Variants in NRXN3 observed in about 807,000 individuals in gnomAD.
NRXN3 encodes the protein neurexin III.
In NRXN3, 32 loss-of-function variants were observed where a neutral mutation model predicts 137.6. That is an observed-to-expected ratio of 0.23 (90% confidence interval 0.18 to 0.31). NRXN3 has a LOEUF of 0.31. Ranked by LOEUF, NRXN3 falls within the 10% of genes least tolerant of loss-of-function variation. The pLI is 1.00. For synonymous variants in NRXN3, 798 were observed against 784.5 expected, an observed-to-expected ratio of 1.02 and a Z score of -0.29; for missense variants, 1,574 against 2,062.5, an observed-to-expected ratio of 0.76 and a Z score of 4.59.
chr14:78,278,454 T>G (rs2073929740), intron 2 of NRXN3, among the ~76,000 whole-genome samples, 191 bp from the exon 3 acceptor site: 1 of 152,200 alleles, frequency 6.6e-6, no homozygotes, highest in Admixed American at 6.5e-5. Flanking sequence ...CCCCTCGGCT[T>G]GCATGGGTGG....
intron 16 of NRXN3, among the ~76,000 whole-genome samples, chr14:79,607,631 G>C (rs2098037922): frequency 1.3e-5 from 2 of 151,466 alleles, no homozygotes; most frequent in Admixed American, 6.6e-5. Flanking sequence ...GGACCAAAGA[G>C]AAAATAGCCG....
rs145114436 is a variant in NRXN3, at chr14:79,261,831, G to A, written c.3263-205390G>A. Among the ~76,000 whole-genome samples the A allele has an allele frequency of 2.6e-4, 40 of 152,210 alleles. 1 individual carries two copies. Among genetic ancestry groups the A allele is most frequent in the African/African-American group, 8.2e-4 (34 of 41,542 alleles). On this transcript the variant is annotated intron_variant, in intron 15 of 20. Coordinates refer to ENST00000335750, the MANE Select transcript of NRXN3 (RefSeq NM_001330195.2). ...ATAGAAGAAGTGAGGATGGGAGAGGGTACCGAGGAGGGGCTCTGGGACTTT... is the reference window on the plus strand; with the variant it reads ...ATAGAAGAAGTGAGGATGGGAGAGGATACCGAGGAGGGGCTCTGGGACTTT...
At chr14:78,577,729 G>A (rs2096951480) in intron 4 of NRXN3, among the ~76,000 whole-genome samples, 1 of 152,106 alleles carries the variant, frequency 6.6e-6, no homozygotes, top group Admixed American at 6.6e-5. Flanking sequence ...CCTCCCATAG[G>A]TGAATTTTAA....
At chr14:79,025,661 A>T (rs1429703949) in intron 15 of NRXN3, among the ~76,000 whole-genome samples, 1 of 152,170 alleles carries the variant, frequency 6.6e-6, no homozygotes, top group African/African-American at 2.4e-5. Flanking sequence ...CTTTTTATAT[A>T]GTCTTTCAAT....
intron 4 of NRXN3, among the ~76,000 whole-genome samples, chr14:78,574,452 G>A (rs1047572232): frequency 1.3e-5 from 2 of 152,230 alleles, no homozygotes; most frequent in Admixed American, 6.5e-5. Context: ...AAAGCCACAG[G>A]GGTGGAGCTG....
intron 4 of NRXN3, among the ~76,000 whole-genome samples, chr14:78,460,564 G>A (rs535654190): frequency 6.6e-6 from 1 of 152,172 alleles, no homozygotes; most frequent in African/African-American, 2.4e-5. Flanking sequence ...GGAGAGTGAG[G>A]AGTTGGCAAA....
At chr14:78,636,333 TGGTAA>T (rs1190942003) in intron 4 of NRXN3, among the ~76,000 whole-genome samples, 1 of 152,096 alleles carries the variant, frequency 6.6e-6, no homozygotes, top group East Asian at 1.9e-4. Context: ...GAGTTTACTG[TGGTAA>T]GGATTACTGC....
intron 6 of NRXN3, among the ~76,000 whole-genome samples, chr14:78,693,075 T>A (rs1305702104): frequency 1.3e-5 from 2 of 151,838 alleles, no homozygotes; most frequent in African/African-American, 4.8e-5. Context: ...AGAGCGAGAC[T>A]CCATCTCAAA....
chr14:78,741,822 G>C (rs564651505), intron 8 of NRXN3, among the ~76,000 whole-genome samples: 2 of 152,124 alleles, frequency 1.3e-5, no homozygotes, highest in Non-Finnish European at 2.9e-5. Context: ...CTTTTTTTCT[G>C]AATGATAGGT....
rs1159197862 is a variant in NRXN3, at chr14:79,862,153, A to G, written c.*189A>G. The G allele has an allele frequency of 5.3e-6, 3 of 564,164 alleles. No homozygotes were observed. The highest frequency in any genetic ancestry group is 9.4e-6 in the Non-Finnish European group (3 of 318,988). The allele number at this position is 564,164 out of a possible 1,614,324, so 34.9% of individuals were successfully genotyped here. A position where few individuals can be genotyped will look rare whatever the true frequency, so the allele number is the denominator to read the frequency against. On this transcript the variant is annotated 3_prime_UTR_variant, in exon 21 of 21. Transcript: ENST00000335750. ...ACACACAGCGATGCATCTCTCTCTA[A>G]AGCTCAGCCACGGCTGCGGCAAGGT...
At position 78,745,753 on chromosome 14, in the gene NRXN3, T is replaced by C. The variant is rs114719239; in HGVS notation, c.2044+30614T>C. ...GCACTTGGTCAGTCCTTTTTGCATCTCAATAGTTGATCCTCTTTTGATTAA... is the reference window on the plus strand; with the variant it reads ...GCACTTGGTCAGTCCTTTTTGCATCCCAATAGTTGATCCTCTTTTGATTAA... On this transcript the variant is annotated intron_variant, in intron 8 of 20. Transcript: ENST00000335750. 5.1e-3 allele frequency among the ~76,000 whole-genome samples: 771 copies of C among 152,326 alleles called. 9 individuals are homozygous for C. The highest frequency in any genetic ancestry group is 0.018 in the African/African-American group (741 of 41,582).
At chr14:78,306,559 G>A (rs538663313) in intron 4 of NRXN3, among the ~76,000 whole-genome samples, 12 of 152,280 alleles carry the variant, frequency 7.9e-5, no homozygotes, top group Middle Eastern at 3.4e-3. Context: ...TTCCCCTTGT[G>A]CTTAGGCTTG....
intron 15 of NRXN3, among the ~76,000 whole-genome samples, chr14:79,257,268 C>T (rs987074018): frequency 1.4e-5 from 2 of 146,430 alleles, no homozygotes; most frequent in African/African-American, 5.1e-5. Context: ...TAACAAGTAT[C>T]AGATAGTTCC....
At chr14:78,273,839 A>G (rs2153491877) in intron 2 of NRXN3, among the ~76,000 whole-genome samples, 1 of 152,260 alleles carries the variant, frequency 6.6e-6, no homozygotes, top group Admixed American at 6.5e-5. Flanking sequence ...ATTTTCTCAT[A>G]CTGATGGGCC....
At chr14:79,261,601 CTGTGTGTG>C (rs5809932) in intron 15 of NRXN3, among the ~76,000 whole-genome samples, 18 of 59,214 alleles carry the variant, frequency 3.0e-4, no homozygotes, top group Admixed American at 6.9e-4. Flanking sequence ...AAGAAAGGTG[CTGTGTGTG>C]TGTGTGTGTG....
chr14:79,775,708 A>G (rs1023906955), intron 19 of NRXN3, among the ~76,000 whole-genome samples: 3 of 152,098 alleles, frequency 2.0e-5, no homozygotes, highest in Admixed American at 6.6e-5. Context: ...ATAAGTGAGG[A>G]GACAGTACTG....
chr14:78,764,443 A>G (rs2098702165), intron 8 of NRXN3, among the ~76,000 whole-genome samples: 2 of 152,124 alleles, frequency 1.3e-5, no homozygotes, highest in African/African-American at 4.8e-5. Flanking sequence ...AAATACAACC[A>G]CAACTTCACC....
chr14:78,588,655 G>A (rs970331160), intron 4 of NRXN3, among the ~76,000 whole-genome samples: 1 of 152,212 alleles, frequency 6.6e-6, no homozygotes, highest in African/African-American at 2.4e-5. Flanking sequence ...TATAGCAGTA[G>A]AGCAAGAATC....
chr14:79,102,257 A>G (rs2051464311), intron 15 of NRXN3, among the ~76,000 whole-genome samples: 1 of 152,182 alleles, frequency 6.6e-6, no homozygotes, highest in South Asian at 2.1e-4. Flanking sequence ...CATTTAACCT[A>G]ATTCCCCTCT....
Sources: gnomAD v4.1 joint callset for allele counts (sites outside exome capture counted in the v4.1 genomes callset) on GRCh38, gnomAD v4.1.1 for gene constraint, MANE v1.5 for transcripts, NCBI Gene and HGNC (gene_info 2026-07-23, HGNC 2026-07-21) for gene names.